The following SERGEF variants were observed in gnomAD, a reference collection of about 807,000 sequenced individuals.
The protein encoded by SERGEF is secretion-regulating guanine nucleotide exchange factor.
In SERGEF, 51 loss-of-function variants were observed where a neutral mutation model predicts 50.0. The ratio of observed to expected loss-of-function variants is 1.02; its 90% confidence interval spans 0.81 to 1.29. The LOEUF is 1.29. Ranked by LOEUF, SERGEF falls within the 50% of genes most tolerant of loss-of-function variation. The pLI is 0.00. For missense variants in SERGEF, 521 were observed against 557.0 expected, an observed-to-expected ratio of 0.94 and a Z score of 0.65; for synonymous variants, 205 against 212.4, an observed-to-expected ratio of 0.97 and a Z score of 0.30.
chr11:17,970,194 C>T (rs1013327947), intron 8 of SERGEF, among the ~76,000 whole-genome samples: 2 of 152,134 alleles, frequency 1.3e-5, no homozygotes, highest in Non-Finnish European at 2.9e-5. Flanking sequence ...CGCCATTTTT[C>T]GAACAGCATG....
intron 10 of SERGEF, among the ~76,000 whole-genome samples, chr11:17,790,024 C>A (rs1271868328): frequency 6.6e-6 from 1 of 152,166 alleles, no homozygotes; most frequent in Non-Finnish European, 1.5e-5. Context: ...AAATAATTTT[C>A]TTCTCAAGAT....
chr11:17,981,957 C>T (rs1000913170), intron 8 of SERGEF, among the ~76,000 whole-genome samples: 15 of 152,030 alleles, frequency 9.9e-5, no homozygotes, highest in Non-Finnish European at 1.3e-4. Flanking sequence ...CGCACCACCA[C>T]ACCCAGATAA....
intron 10 of SERGEF, among the ~76,000 whole-genome samples, chr11:17,797,123 C>T (rs1008882843): frequency 2.0e-5 from 3 of 152,202 alleles, no homozygotes; most frequent in Non-Finnish European, 4.4e-5. Context: ...CAAGGGCTGC[C>T]CAACTGGTCT....
intron 10 of SERGEF, among the ~76,000 whole-genome samples, chr11:17,873,278 A>C (rs1851180391): frequency 6.6e-6 from 1 of 152,158 alleles, no homozygotes; most frequent in South Asian, 2.1e-4. Flanking sequence ...CCGTACCTAG[A>C]AGATGGGATT....
chr11:17,983,679 G>A (rs1459942640), intron 8 of SERGEF, among the ~76,000 whole-genome samples: 4 of 151,460 alleles, frequency 2.6e-5, no homozygotes, highest in Non-Finnish European at 5.9e-5. Flanking sequence ...TAGTGGGAAA[G>A]GAAATTAGTC....
chr11:17,989,056 T>TAA (rs1853655773), intron 7 of SERGEF, among the ~76,000 whole-genome samples: 1 of 152,216 alleles, frequency 6.6e-6, no homozygotes, highest in Non-Finnish European at 1.5e-5. Context: ...CTACCATGTG[T>TAA]ATGAGACACA....
chr11:17,909,617 A>G (rs1172000238), intron 9 of SERGEF, among the ~76,000 whole-genome samples: 1 of 152,240 alleles, frequency 6.6e-6, no homozygotes, highest in Non-Finnish European at 1.5e-5. Flanking sequence ...TGGCTAAGGT[A>G]TCATCATGCT....
At chr11:18,012,917 G>C (rs1392679634) in intron 1 of SERGEF, 34 bp downstream of exon 1, 91 of 1,526,016 alleles carry the variant, frequency 6.0e-5, no homozygotes, top group Non-Finnish European at 7.7e-5. Flanking sequence ...GCGCCCCTCA[G>C]GGCCTGCACC....
chr11:17,852,840 G>A (rs1344174300), intron 10 of SERGEF, among the ~76,000 whole-genome samples: 7 of 152,190 alleles, frequency 4.6e-5, no homozygotes, highest in South Asian at 2.1e-4. Flanking sequence ...AGGTCAGACC[G>A]TGGGTAGGAT....
chr11:17,982,340 G>T (rs954447463), intron 8 of SERGEF, among the ~76,000 whole-genome samples: 3 of 152,134 alleles, frequency 2.0e-5, no homozygotes, highest in Admixed American at 2.0e-4. Context: ...AGGAATTAAG[G>T]CCAGATGATC....
intron 9 of SERGEF, among the ~76,000 whole-genome samples, chr11:17,924,226 A>G (rs1852210942): frequency 6.6e-6 from 1 of 152,256 alleles, no homozygotes; most frequent in African/African-American, 2.4e-5. Flanking sequence ...ATAATATAGT[A>G]GGAATACATT....
At chr11:17,945,109 C>G (rs536356016) in intron 9 of SERGEF, among the ~76,000 whole-genome samples, 4 of 152,256 alleles carry the variant, frequency 2.6e-5, no homozygotes, top group African/African-American at 9.6e-5. Flanking sequence ...ACAATTAGCA[C>G]TTTTCTCAGC....
At chr11:17,829,307 A>G (rs1008080677) in intron 10 of SERGEF, among the ~76,000 whole-genome samples, 1 of 152,230 alleles carries the variant, frequency 6.6e-6, no homozygotes, top group Non-Finnish European at 1.5e-5. Flanking sequence ...GAATACTGCT[A>G]AAGTGCAGAT....
rs1470623241 is a variant in SERGEF at position 17,991,561 on chromosome 11, C to G, written c.685+1370G>C. ...GTAAAAGGAAGGGAGGAACTGGATA[C>G]CCACTGGAGTCCCTTATAGTTGGCA... On this transcript the variant is annotated intron_variant, in intron 7 of 10. Coordinates refer to ENST00000265965, the MANE Select transcript of SERGEF (RefSeq NM_012139.4). The surrounding 1 kb of genome is among the most constrained non-coding windows in gnomAD (Gnocchi z 4.9). Among the ~76,000 whole-genome samples, 1 of 152,174 alleles carries G rather than the reference C, an allele frequency of 6.6e-6. No individual in the cohort carries two copies. Among genetic ancestry groups the G allele is most frequent in the African/African-American group, 2.4e-5 (1 of 41,440 alleles).
At chr11:17,805,919 T>A (rs751266630) in intron 10 of SERGEF, among the ~76,000 whole-genome samples, 5 of 152,210 alleles carry the variant, frequency 3.3e-5, no homozygotes, top group Non-Finnish European at 7.3e-5. Context: ...TCAGTTACCA[T>A]GAATACCATT....
intron 10 of SERGEF, among the ~76,000 whole-genome samples, chr11:17,868,783 G>C (rs1050328881): frequency 6.6e-6 from 1 of 152,162 alleles, no homozygotes; most frequent in Non-Finnish European, 1.5e-5. Context: ...CATCTTACAT[G>C]GATGGTGGCA....
rs999869722 is a variant in SERGEF, at chr11:18,001,271, C to T, written c.448-714G>A. Among the ~76,000 whole-genome samples, 7 of 152,308 alleles carry T rather than the reference C, an allele frequency of 4.6e-5. No individual in the cohort carries two copies. The South Asian group carries it at 1.5e-3, about 32-fold the overall frequency. Reference sequence around the variant, plus strand: ...GGTCCTCAAATTCTTGCTACTCCTCCCTTCAAGATGTGGAGCTTAATACCC... The same window carrying T: ...GGTCCTCAAATTCTTGCTACTCCTCTCTTCAAGATGTGGAGCTTAATACCC... On this transcript the variant is annotated intron_variant, in intron 4 of 10. Transcript: ENST00000265965.
At chr11:17,956,287 A>C (rs1852868551) in intron 9 of SERGEF, among the ~76,000 whole-genome samples, 1 of 152,234 alleles carries the variant, frequency 6.6e-6, no homozygotes, top group African/African-American at 2.4e-5. Flanking sequence ...TCCACCCAGG[A>C]AAGGGCACAT....
chr11:17,957,825 A>C (rs1175820883), intron 9 of SERGEF, among the ~76,000 whole-genome samples: 1 of 152,146 alleles, frequency 6.6e-6, no homozygotes, highest in Admixed American at 6.5e-5. Context: ...TGTAATGTTT[A>C]CTGCATAGCC....
Sources: gnomAD v4.1 joint callset for allele counts (sites outside exome capture counted in the v4.1 genomes callset) on GRCh38, gnomAD v4.1.1 for gene constraint, Gnocchi (gnomAD v3.1) non-coding constraint, MANE v1.5 for transcripts, NCBI Gene and HGNC (gene_info 2026-07-23, HGNC 2026-07-21) for gene names.